SPAG16: variants seen among roughly 807,000 people sequenced by gnomAD.
SPAG16 encodes sperm associated antigen 16.
In SPAG16, 86 loss-of-function variants were observed where a neutral mutation model predicts 80.4. The observed-to-expected ratio is 1.07, with a 90% CI of 0.90 to 1.28. The LOEUF is 1.28. Among genes scored for constraint, SPAG16 ranks in the 50% most tolerant of loss-of-function variants. SPAG16 has a pLI of 0.00. For synonymous variants in SPAG16, 294 were observed against 265.9 expected (o/e 1.11, Z -1.03); for missense variants, 870 against 765.3 (o/e 1.14, Z -1.61).
intron 10 of SPAG16, among the ~76,000 whole-genome samples, chr2:213,805,387 C>A (rs1011532065): frequency 4.6e-5 from 7 of 151,960 alleles, no homozygotes; most frequent in Admixed American, 1.3e-4. Context: ...GTATGTCTAC[C>A]CTAAAGGAAA....
At chr2:213,846,062 T>G (rs1421551853) in intron 10 of SPAG16, among the ~76,000 whole-genome samples, 1 of 152,214 alleles carries the variant, frequency 6.6e-6, no homozygotes, top group African/African-American at 2.4e-5. Flanking sequence ...AGTCAGATAA[T>G]TTGAGATAAA....
At chr2:213,447,259 T>G (rs12694303) in intron 9 of SPAG16, among the ~76,000 whole-genome samples, 2 of 151,950 alleles carry the variant, frequency 1.3e-5, no homozygotes, top group Non-Finnish European at 2.9e-5. Flanking sequence ...TCAGCTCATT[T>G]TTTCCCTTAA....
intron 10 of SPAG16, among the ~76,000 whole-genome samples, chr2:213,556,190 C>T (rs1380943816): frequency 6.7e-6 from 1 of 149,802 alleles, no homozygotes; most frequent in Non-Finnish European, 1.5e-5. Context: ...TAAAAAACAA[C>T]AGCAACAATA....
chr2:213,424,239 A>ACACTCAG (rs2069769602), intron 9 of SPAG16, among the ~76,000 whole-genome samples: 1 of 152,210 alleles, frequency 6.6e-6, no homozygotes, highest in African/African-American at 2.4e-5. Flanking sequence ...ATTTTCAAAG[A>ACACTCAG]CACTCAGTTC....
chr2:214,170,361 A>G (rs1211691352), intron 15 of SPAG16, among the ~76,000 whole-genome samples: 1 of 151,984 alleles, frequency 6.6e-6, no homozygotes, highest in Non-Finnish European at 1.5e-5. Flanking sequence ...AATTCTACCT[A>G]GTGTCTCACA....
intron 11 of SPAG16, among the ~76,000 whole-genome samples, chr2:213,901,162 A>G (rs958008206): frequency 3.9e-5 from 6 of 152,176 alleles, no homozygotes; most frequent in Non-Finnish European, 5.9e-5. Flanking sequence ...TATGCCTTAA[A>G]TATTTTCTAC....
intron 10 of SPAG16, among the ~76,000 whole-genome samples, chr2:213,632,995 T>A (rs1344627222): frequency 6.6e-6 from 1 of 152,168 alleles, no homozygotes; most frequent in African/African-American, 2.4e-5. Flanking sequence ...TAGAAGGAGT[T>A]TGGAAGTACT....
chr2:214,366,661 T>C (rs555468885), intron 15 of SPAG16, among the ~76,000 whole-genome samples: 2 of 152,270 alleles, frequency 1.3e-5, no homozygotes, highest in South Asian at 2.1e-4. Context: ...TGAGTTACCA[T>C]AAAATCAACC....
intron 10 of SPAG16, among the ~76,000 whole-genome samples, chr2:213,524,545 A>T (rs1192926102): frequency 2.0e-5 from 3 of 152,214 alleles, no homozygotes; most frequent in Non-Finnish European, 4.4e-5. Flanking sequence ...TGTACCATGC[A>T]AAGCCACAGG....
intron 11 of SPAG16, among the ~76,000 whole-genome samples, chr2:213,906,945 T>C (rs1333463255): frequency 7.1e-6 from 1 of 141,430 alleles, no homozygotes; most frequent in Non-Finnish European, 1.6e-5. Flanking sequence ...AGGACATTAT[T>C]CTAGACAAAG....
chr2:213,363,354 C>T (rs10451582), intron 7 of SPAG16, among the ~76,000 whole-genome samples: 103,010 of 151,608 alleles, frequency 0.68, 35,757 homozygotes, highest in East Asian at 1. Flanking sequence ...ATTTCATGAG[C>T]ACTCATCTAT....
At chr2:214,260,308 A>G (rs1018485169) in intron 15 of SPAG16, among the ~76,000 whole-genome samples, 1 of 152,120 alleles carries the variant, frequency 6.6e-6, no homozygotes, top group Non-Finnish European at 1.5e-5. Context: ...TCCCCCAAAA[A>G]CTATTGAAAT....
chr2:213,787,474 T>C (rs1356708355), intron 10 of SPAG16, among the ~76,000 whole-genome samples: 2 of 152,078 alleles, frequency 1.3e-5, no homozygotes, highest in Non-Finnish European at 2.9e-5. Context: ...AAATATAATA[T>C]AGCTACAATA....
intron 13 of SPAG16, among the ~76,000 whole-genome samples, chr2:214,034,723 G>A (rs1410137468): frequency 6.6e-6 from 1 of 152,208 alleles, no homozygotes. Context: ...TGCAGCACCT[G>A]GAAGCTTTAA....
chr2:213,907,696 GA>G (rs1299701852), intron 11 of SPAG16, among the ~76,000 whole-genome samples: 3 of 152,054 alleles, frequency 2.0e-5, no homozygotes, highest in Non-Finnish European at 2.9e-5. Flanking sequence ...CCATAAAAAA[GA>G]ATGAAATCCT....
chr2:214,234,716 C>A lies in SPAG16; in HGVS notation c.1720+85450C>A, dbSNP rs1328231675. 2.0e-5 allele frequency among the ~76,000 whole-genome samples: 3 copies of A among 151,880 alleles called. No homozygotes were observed. In the East Asian group the frequency reaches 5.8e-4, roughly 29 times the overall value. The stretch of plus-strand genomic sequence containing the variant: ...AGAAGTGCCTGTTTATGTCCTTTGC[C>A]CACTTTTGAATGGGGTTGTTTTTTT... On this transcript the variant is annotated intron_variant, in intron 15 of 15. Transcript: ENST00000331683.
chr2:213,849,731 A>G (rs1434218219), intron 10 of SPAG16, among the ~76,000 whole-genome samples: 1 of 152,166 alleles, frequency 6.6e-6, no homozygotes, highest in Non-Finnish European at 1.5e-5. Context: ...TTTTCATGTT[A>G]AAGTCCTTAC....
intron 10 of SPAG16, among the ~76,000 whole-genome samples, chr2:213,517,921 A>C (rs1409680454): frequency 6.6e-6 from 1 of 152,236 alleles, no homozygotes; most frequent in East Asian, 1.9e-4. Flanking sequence ...TAAGGCACCA[A>C]AAGGAACTTC....
chr2:213,979,839 A>G (rs973238193), intron 12 of SPAG16, among the ~76,000 whole-genome samples: 4 of 152,058 alleles, frequency 2.6e-5, no homozygotes, highest in African/African-American at 9.7e-5. Context: ...ACTGTTTTCC[A>G]TAGTACATAA....
Sources: allele counts gnomAD v4.1 joint callset (sites outside exome capture counted in the v4.1 genomes callset), GRCh38; gene constraint gnomAD v4.1.1; transcripts MANE v1.5; gene names NCBI Gene and HGNC (gene_info 2026-07-23, HGNC 2026-07-21).